The following GPATCH2L variants were observed in gnomAD, a reference collection of about 807,000 sequenced individuals.
GPATCH2L encodes G-patch domain containing 2 like.
A neutral mutation model predicts 57.4 loss-of-function variants in GPATCH2L; 31 were observed. The observed-to-expected ratio is 0.54, with a 90% CI of 0.41 to 0.73. GPATCH2L has a LOEUF of 0.73. Ranked by LOEUF, GPATCH2L falls within the 30% of genes least tolerant of loss-of-function variation. GPATCH2L has a pLI of 0.00. For synonymous variants in GPATCH2L, 199 were observed against 210.7 expected, an observed-to-expected ratio of 0.94 and a Z score of 0.48; for missense variants, 481 against 599.9, an observed-to-expected ratio of 0.80 and a Z score of 2.07.
In GPATCH2L at chr14:76,220,735, T is replaced by C. The variant is rs139560196; in HGVS notation, c.66-9073T>C. ...ATTCCAAAGGGTAAATCACCTAAAA[T>C]ATGTTCTCTGACCAAAGTGAAATTA... On this transcript the variant is annotated intron_variant and NMD_transcript_variant, in intron 1 of 3. Coordinates refer to the GPATCH2L transcript ENST00000556372. Among the ~76,000 whole-genome samples, 1,096 of 152,254 alleles carry C rather than the reference T, an allele frequency of 7.2e-3. 7 individuals carry two copies. Among genetic ancestry groups the C allele is most frequent in the Middle Eastern group, 0.014 (4 of 294 alleles).
At position 76,210,170 on chromosome 14, in the gene GPATCH2L, T is replaced by C. The variant is rs141624646; in HGVS notation, c.*8319T>C. Reference sequence around the variant, plus strand: ...CCTAATAATAATAATGGCAAATATGTATTTGGTGGTCTGCCATTTGGAAGC... The same window carrying C: ...CCTAATAATAATAATGGCAAATATGCATTTGGTGGTCTGCCATTTGGAAGC... On this transcript the variant is annotated 3_prime_UTR_variant, in exon 10 of 10. Transcript: ENST00000261530. The C allele has an allele frequency of 1.4e-3, 208 of 152,292 alleles. 1 individual carries two copies. Among genetic ancestry groups the C allele is most frequent in the African/African-American group, 4.6e-3 (193 of 41,562 alleles). 9.4% of individuals were successfully genotyped at this position (152,292 alleles called of 1,614,324 possible).
chr14:76,231,814 A>G (rs1050878244), intron 2 of GPATCH2L, among the ~76,000 whole-genome samples: 1 of 152,284 alleles, frequency 6.6e-6, no homozygotes, highest in Non-Finnish European at 1.5e-5. Flanking sequence ...TTCTACATGT[A>G]TTTTGAATTC....
chr14:76,152,490 C>T (rs1449481232), intron 1 of GPATCH2L: 1 of 336,222 alleles, frequency 3.0e-6, no homozygotes. Context: ...CTCCGCCCCT[C>T]ACTTCCACCC....
At chr14:76,163,143 A>C (rs1014283281) in intron 2 of GPATCH2L, among the ~76,000 whole-genome samples, 2 of 152,188 alleles carry the variant, frequency 1.3e-5, no homozygotes, top group Non-Finnish European at 2.9e-5. Context: ...TTAGGCATAC[A>C]CTACCCTGGC....
At chr14:76,175,882 A>G (rs1272067071) in intron 5 of GPATCH2L, 1 of 152,152 alleles carries the variant, frequency 6.6e-6, no homozygotes, top group South Asian at 2.1e-4. Context: ...GTGTGTTGGT[A>G]TGCTTTCCCA....
At chr14:76,167,907 C>A (rs1487698057) in intron 3 of GPATCH2L, among the ~76,000 whole-genome samples, 2 of 152,142 alleles carry the variant, frequency 1.3e-5, no homozygotes, top group African/African-American at 4.8e-5. Context: ...TCAAAATGCA[C>A]CTCTTAAAGG....
chr14:76,196,217 C>T (rs1463864947), intron 9 of GPATCH2L: 1 of 630,562 alleles, frequency 1.6e-6, no homozygotes, highest in African/African-American at 1.8e-5. Flanking sequence ...CAGCAATCTC[C>T]AGTCATCTGA....
chr14:76,210,171 A>G lies in GPATCH2L; in HGVS notation c.*8320A>G, dbSNP rs1201305414. On this transcript the variant is annotated 3_prime_UTR_variant, in exon 10 of 10. Coordinates refer to ENST00000261530, the MANE Select transcript of GPATCH2L (RefSeq NM_017926.4). The stretch of plus-strand genomic sequence containing the variant: ...CTAATAATAATAATGGCAAATATGT[A>G]TTTGGTGGTCTGCCATTTGGAAGCA... 1 of 152,186 alleles carries G rather than the reference A, an allele frequency of 6.6e-6. No individual in the cohort carries two copies. Among genetic ancestry groups the G allele is most frequent in the Non-Finnish European group, 1.5e-5 (1 of 68,034 alleles). The allele number at this position is 152,186 out of a possible 1,614,324, so 9.4% of individuals were successfully genotyped here.
At chr14:76,186,330 ATCT>A (rs1458816880) in intron 8 of GPATCH2L, among the ~76,000 whole-genome samples, 1 of 152,150 alleles carries the variant, frequency 6.6e-6, no homozygotes, top group Admixed American at 6.5e-5. Context: ...AATTCATTTT[ATCT>A]GTTCACAAAC....
intron 1 of GPATCH2L, among the ~76,000 whole-genome samples, chr14:76,152,249 G>A (rs1179653242): frequency 1.3e-5 from 2 of 152,148 alleles, no homozygotes; most frequent in Non-Finnish European, 2.9e-5. Context: ...CAGCCTGAGG[G>A]CTTGGTGTCC....
intron 2 of GPATCH2L, among the ~76,000 whole-genome samples, 161 bp downstream of exon 2, chr14:76,155,186 A>C (rs1469487934): frequency 6.6e-6 from 1 of 152,236 alleles, no homozygotes; most frequent in Non-Finnish European, 1.5e-5. Context: ...TTAAGGTACC[A>C]TTCATGAGTC....
At position 76,210,195 on chromosome 14, in the gene GPATCH2L, C is replaced by T. The variant is rs1226016172; in HGVS notation, c.*8344C>T. 1 of 152,200 alleles carries T rather than the reference C, an allele frequency of 6.6e-6. No individual in the cohort carries two copies. The highest frequency in any genetic ancestry group is 2.4e-5 in the African/African-American group (1 of 41,448). The allele number at this position is 152,200 out of a possible 1,614,324, so 9.4% of individuals were successfully genotyped here. On this transcript the variant is annotated 3_prime_UTR_variant, in exon 10 of 10. Transcript: ENST00000261530. Reference sequence around the variant, plus strand: ...TATTTGGTGGTCTGCCATTTGGAAGCAACATCTCACTTATTCAACAACTCT... The same window carrying T: ...TATTTGGTGGTCTGCCATTTGGAAGTAACATCTCACTTATTCAACAACTCT...
intron 2 of GPATCH2L, among the ~76,000 whole-genome samples, chr14:76,160,815 G>A (rs2038546858): frequency 6.6e-6 from 1 of 152,106 alleles, no homozygotes; most frequent in Admixed American, 6.5e-5. Flanking sequence ...ATGAATCACT[G>A]TTAGCTCTAA....
chr14:76,154,874 T>C lies in GPATCH2L; in HGVS notation c.511T>C (p.Trp171Arg), dbSNP rs1191476688. ...TGCTAAGAAGCAGCGTCTGTCCCGC[T>C]GGAAGGAGAATACTCCCTGGACCTC... is the stretch of plus-strand genomic sequence containing the variant. ...KSAKKQRLSR[W>R]KENTPWTSSG... is the part of the protein sequence containing the mutation. The change falls in exon 2 of 10, where the codon TGG becomes CGG. Residue 171 changes from tryptophan (W) to arginine (R), a missense_variant. Trp to Arg is a moderately radical substitution (Grantham distance 101, BLOSUM62 -3). Transcript: ENST00000261530. The surrounding 1 kb of genome is among the most constrained non-coding windows in gnomAD (Gnocchi z 4.4). 6.2e-7 allele frequency: 1 copy of C among 1,614,200 alleles called. No homozygotes were observed. The highest frequency in any genetic ancestry group is 1.3e-5 in the African/African-American group (1 of 75,048).
At chr14:76,222,249 T>C (rs1159525474) in intron 1 of GPATCH2L, among the ~76,000 whole-genome samples, 1 of 152,218 alleles carries the variant, frequency 6.6e-6, no homozygotes, top group Non-Finnish European at 1.5e-5. Context: ...AAGAACTTTC[T>C]GTCAGCAAAT....
rs537495820 is a variant in GPATCH2L, at chr14:76,155,263, G to C, written c.662+238G>C. Among the ~76,000 whole-genome samples the C allele has an allele frequency of 4.7e-4, 72 of 152,138 alleles. 1 individual carries two copies. The highest frequency in any genetic ancestry group is 1.6e-4 in the Non-Finnish European group (11 of 68,030). ...GTTGTTTCTAAAAACTGTTTAAAACGCGTACCTCAAATGCAAAACTAATAA... is the reference window on the plus strand; with the variant it reads ...GTTGTTTCTAAAAACTGTTTAAAACCCGTACCTCAAATGCAAAACTAATAA... On this transcript the variant is annotated intron_variant, in intron 2 of 9. Coordinates refer to ENST00000261530, the MANE Select transcript of GPATCH2L (RefSeq NM_017926.4).
intron 8 of GPATCH2L, among the ~76,000 whole-genome samples, chr14:76,188,583 TC>T (rs1452002774): frequency 6.6e-6 from 1 of 151,628 alleles, no homozygotes; most frequent in African/African-American, 2.4e-5. Flanking sequence ...TTGTTTGAGC[TC>T]CTTATATATT....
chr14:76,177,562 T>C (rs770185369), intron 6 of GPATCH2L, among the ~76,000 whole-genome samples: 1 of 152,060 alleles, frequency 6.6e-6, no homozygotes, highest in African/African-American at 2.4e-5. Context: ...GATGTGGGTG[T>C]GGTTTATGCC....
chr14:76,199,184 G>A (rs1412438821), intron 9 of GPATCH2L, among the ~76,000 whole-genome samples: 1 of 152,006 alleles, frequency 6.6e-6, no homozygotes, highest in Non-Finnish European at 1.5e-5. Flanking sequence ...TTTATAAAAG[G>A]TTTAAAAGTT....
Sources: allele counts gnomAD v4.1 joint callset (sites outside exome capture counted in the v4.1 genomes callset), GRCh38; gene constraint gnomAD v4.1.1; non-coding constraint Gnocchi (gnomAD v3.1); transcripts MANE v1.5; gene names NCBI Gene and HGNC (gene_info 2026-07-23, HGNC 2026-07-21).